SP4: variants seen among roughly 807,000 people sequenced by gnomAD.
SP4 encodes the protein transcription factor Sp4.
A neutral mutation model predicts 72.8 loss-of-function variants in SP4; 19 were observed. The observed-to-expected ratio is 0.26, with a 90% CI of 0.18 to 0.38. SP4 has a LOEUF of 0.38. Ranked by LOEUF, SP4 falls within the 10% of genes least tolerant of loss-of-function variation. The probability of loss-of-function intolerance (pLI) is 1.00; values close to 1 mark genes in which losing one functional copy is unlikely to be tolerated. For missense variants in SP4, 1,008 were observed against 926.3 expected, an observed-to-expected ratio of 1.09 and a Z score of -1.14; for synonymous variants, 395 against 333.1, an observed-to-expected ratio of 1.19 and a Z score of -2.02.
At position 21,507,599 on chromosome 7, in the gene SP4, C is replaced by G. The variant is rs181021667; in HGVS notation, c.2108-3423C>G. On this transcript the variant is annotated intron_variant, in intron 5 of 5. Coordinates refer to ENST00000222584, the MANE Select transcript of SP4 (RefSeq NM_003112.5). Reference sequence around the variant, plus strand: ...ATCCAGCAGAGAGCATAACCTGTCTCTTGTGAGGTTGGGGTTTTATTATTC... The same window carrying G: ...ATCCAGCAGAGAGCATAACCTGTCTGTTGTGAGGTTGGGGTTTTATTATTC... Among the ~76,000 whole-genome samples, 18 of 152,270 alleles carry G rather than the reference C, an allele frequency of 1.2e-4. No individual in the cohort carries two copies. The East Asian group carries it at 3.3e-3, about 28-fold the overall frequency.
intron 3 of SP4, chr7:21,471,044 T>TG (rs1784326721): frequency 3.7e-6 from 2 of 534,408 alleles, no homozygotes. Context: ...GAGAATGTGT[T>TG]GGATTCCAGC....
intron 5 of SP4, among the ~76,000 whole-genome samples, chr7:21,501,110 T>G (rs1421066573): frequency 6.6e-6 from 1 of 152,220 alleles, no homozygotes; most frequent in Non-Finnish European, 1.5e-5. Flanking sequence ...CATCCAAGTT[T>G]CATTATCCCC....
chr7:21,433,193 A>G (rs1358962144), intron 3 of SP4, among the ~76,000 whole-genome samples: 2 of 152,102 alleles, frequency 1.3e-5, no homozygotes, highest in African/African-American at 2.4e-5. Flanking sequence ...GAACACTGCC[A>G]ATAGGTGTGG....
intron 5 of SP4, among the ~76,000 whole-genome samples, chr7:21,508,765 T>C (rs1460598687): frequency 1.3e-5 from 2 of 151,126 alleles, no homozygotes; most frequent in Non-Finnish European, 2.9e-5. Context: ...TGGCTTGGCA[T>C]AGAGTTTGTG....
intron 3 of SP4, 94 bp from the exon 4 acceptor site, chr7:21,476,985 A>G (rs962915171): frequency 2.7e-5 from 24 of 873,870 alleles, no homozygotes; most frequent in Admixed American, 5.4e-5. Context: ...ACAGATTGTT[A>G]GAAAAAATTT....
At chr7:21,449,444 CTTATTA>C (rs1322863946) in intron 3 of SP4, among the ~76,000 whole-genome samples, 1 of 151,898 alleles carries the variant, frequency 6.6e-6, no homozygotes, top group Non-Finnish European at 1.5e-5. Flanking sequence ...GGCAAAGAAT[CTTATTA>C]TTAAGAAAGT....
chr7:21,442,890 C>G (rs1222107338), intron 3 of SP4, among the ~76,000 whole-genome samples: 1 of 152,194 alleles, frequency 6.6e-6, no homozygotes, highest in Non-Finnish European at 1.5e-5. Flanking sequence ...CGCCTGCCAT[C>G]ACACCCAGCT....
intron 3 of SP4, among the ~76,000 whole-genome samples, chr7:21,434,526 G>A (rs1466372957): frequency 1.3e-5 from 2 of 152,156 alleles, no homozygotes; most frequent in Non-Finnish European, 2.9e-5. Flanking sequence ...TAGAATTGTA[G>A]TAGGAACTAA....
At chr7:21,462,065 G>C (rs1224842592) in intron 3 of SP4, among the ~76,000 whole-genome samples, 1 of 132,324 alleles carries the variant, frequency 7.6e-6, no homozygotes, top group East Asian at 2.1e-4. Flanking sequence ...ATCTCACTCT[G>C]TTACCCAGGC....
intron 3 of SP4, among the ~76,000 whole-genome samples, chr7:21,472,094 T>G (rs890762174): frequency 6.6e-6 from 1 of 152,182 alleles, no homozygotes; most frequent in African/African-American, 2.4e-5. Context: ...AAGTGTTCAC[T>G]GGCAGTTGAT....
intron 1 of SP4, 80 bp downstream of exon 1, chr7:21,428,338 C>T: frequency 1.3e-6 from 1 of 744,800 alleles, no homozygotes; most frequent in South Asian, 1.5e-5. Context: ...CGGTTCTCCC[C>T]CCTCCCCCGG....
At chr7:21,478,724 G>T (rs78746759) in intron 4 of SP4, among the ~76,000 whole-genome samples, 66 of 152,134 alleles carry the variant, frequency 4.3e-4, no homozygotes, top group Non-Finnish European at 7.1e-4. Context: ...TTATGGAATT[G>T]TCTCTTTATA....
rs1782750098 is a variant in SP4 at position 21,429,371 on chromosome 7, A to G, written c.206A>G (p.Gln69Arg). ...CCTGGTGAAAATCAAGCAACTGGAC[A>G]ACAACAAATTATTATAGATCCAAGT... ...GTPGENQATGQQQIIIDPSQG... is the reference protein window; with the variant it reads ...GTPGENQATGRQQIIIDPSQG... Residue 69 changes from glutamine to arginine, a missense_variant, in exon 3 of 6, where the codon CAA becomes CGA. Physicochemically the swap from Gln to Arg is conservative, Grantham distance 43. Coordinates refer to ENST00000222584, the MANE Select transcript of SP4 (RefSeq NM_003112.5). 2.5e-6 allele frequency: 4 copies of G among 1,614,080 alleles called. No homozygotes were observed.
chr7:21,471,568 T>C (rs1343408852), intron 3 of SP4, among the ~76,000 whole-genome samples: 2 of 152,176 alleles, frequency 1.3e-5, no homozygotes, highest in Non-Finnish European at 2.9e-5. Context: ...GTGCCATGGC[T>C]TGTGCCTATA....
intron 3 of SP4, among the ~76,000 whole-genome samples, chr7:21,439,514 C>CTT (rs1326184441): frequency 1.1e-4 from 16 of 143,916 alleles, no homozygotes; most frequent in African/African-American, 3.8e-4. Context: ...CTTTTCTTTC[C>CTT]TTTTTTTTTT....
rs115513448 is a variant in SP4, at chr7:21,429,101, T to C, written c.124-188T>C. On this transcript the variant is annotated intron_variant, in intron 2 of 5. Coordinates refer to ENST00000222584, the MANE Select transcript of SP4 (RefSeq NM_003112.5). ...TTCCTTTTATTTAAACTTGATATTA[T>C]AGGACTTGCTTCCTTATTCATATAG... Among the ~76,000 whole-genome samples, 1,357 of 152,194 alleles carry C rather than the reference T, an allele frequency of 8.9e-3. 21 individuals carry two copies. The highest frequency in any genetic ancestry group is 0.031 in the African/African-American group (1,272 of 41,426).
chr7:21,498,188 A>G (rs1004514122), intron 5 of SP4, among the ~76,000 whole-genome samples: 1 of 152,178 alleles, frequency 6.6e-6, no homozygotes. Context: ...GAAAAAATAA[A>G]AACTGTAAAA....
chr7:21,472,539 T>C (rs1415369013), intron 3 of SP4, among the ~76,000 whole-genome samples: 2 of 151,762 alleles, frequency 1.3e-5, no homozygotes, highest in African/African-American at 4.8e-5. Context: ...GCAGTCCTCC[T>C]GCCTCGGCCT....
intron 3 of SP4, among the ~76,000 whole-genome samples, chr7:21,445,148 AGAGT>A (rs1490985635): frequency 1.3e-5 from 2 of 152,200 alleles, no homozygotes; most frequent in African/African-American, 2.4e-5. Context: ...AAGCGCAATA[AGAGT>A]ATGTATTCTT....
Sources: allele counts gnomAD v4.1 joint callset (sites outside exome capture counted in the v4.1 genomes callset), GRCh38; gene constraint gnomAD v4.1.1; transcripts MANE v1.5; gene names NCBI Gene and HGNC (gene_info 2026-07-23, HGNC 2026-07-21).